The following FAR2 variants were observed in gnomAD, a reference collection of about 807,000 sequenced individuals.
FAR2 encodes fatty acyl-CoA reductase 2.
In FAR2, 19 loss-of-function variants were observed where a neutral mutation model predicts 56.0. That is an observed-to-expected ratio of 0.34 (90% confidence interval 0.24 to 0.50). FAR2 has a LOEUF of 0.50. FAR2 is among the 20% of genes least tolerant of loss of function. The pLI is 0.98. For missense variants in FAR2, 508 were observed against 642.2 expected, an observed-to-expected ratio of 0.79 and a Z score of 2.26; for synonymous variants, 219 against 218.8, an observed-to-expected ratio of 1.00 and a Z score of -0.01.
In FAR2 at chr12:29,293,480, A is replaced by G. The variant is rs1280401341; in HGVS notation, c.365+5A>G. The G allele has an allele frequency of 4.6e-6, 7 of 1,529,272 alleles. No homozygotes were observed. The highest frequency in any genetic ancestry group is 6.2e-6 in the Non-Finnish European group (7 of 1,137,458). 94.7% of individuals were successfully genotyped at this position (1,529,272 alleles called of 1,614,324 possible). ...ACGCTTTGACGACACTCTCAGGTAC[A>G]TTCCCATTTCCCTCTCATGGCTTGT... is the stretch of plus-strand genomic sequence containing the variant. On this transcript the variant is annotated splice_donor_5th_base_variant and intron_variant, in intron 3 of 11. Transcript: ENST00000536681.
chr12:29,165,817 T>A (rs1034866868), intron 1 of FAR2, among the ~76,000 whole-genome samples: 1 of 152,170 alleles, frequency 6.6e-6, no homozygotes, highest in Non-Finnish European at 1.5e-5. Context: ...TACATTTAAG[T>A]TCACAGAGTT....
intron 1 of FAR2, among the ~76,000 whole-genome samples, chr12:29,232,967 T>G (rs1253743833): frequency 6.6e-6 from 1 of 152,116 alleles, no homozygotes; most frequent in African/African-American, 2.4e-5. Flanking sequence ...CAAGCAATGA[T>G]CTGCTTCTGA....
At chr12:29,280,200 C>G (rs982901925) in intron 2 of FAR2, among the ~76,000 whole-genome samples, 4 of 152,232 alleles carry the variant, frequency 2.6e-5, no homozygotes, top group African/African-American at 9.6e-5. Flanking sequence ...ATTGGGATTA[C>G]AGGCATGAGC....
Position 29,192,030 on chromosome 12 carries a change from G to A in FAR2, c.-39+42623G>A, listed in dbSNP as rs11050109. 4.8e-3 allele frequency among the ~76,000 whole-genome samples: 727 copies of A among 152,290 alleles called. 5 individuals are homozygous for A. Among genetic ancestry groups the A allele is most frequent in the Middle Eastern group, 0.017 (5 of 292 alleles). On this transcript the variant is annotated intron_variant, in intron 1 of 11. Coordinates refer to ENST00000536681, the MANE Select transcript of FAR2 (RefSeq NM_001271783.2). ...CCTGACTATTTGTATTGGTTGATTA[G>A]GACTTTTGGCTAGGGCCTCTAAACA...
At chr12:29,179,785 G>T (rs1949975382) in intron 1 of FAR2, among the ~76,000 whole-genome samples, 1 of 152,164 alleles carries the variant, frequency 6.6e-6, no homozygotes, top group Non-Finnish European at 1.5e-5. Context: ...CAAGTAATCA[G>T]TTGTAAGCTG....
intron 1 of FAR2, among the ~76,000 whole-genome samples, chr12:29,199,619 AG>A (rs1295938337): frequency 6.8e-6 from 1 of 147,096 alleles, no homozygotes; most frequent in Non-Finnish European, 1.5e-5. Flanking sequence ...AAAAAAAGAA[AG>A]AAAAGAAACA....
At position 29,307,847 on chromosome 12, in the gene FAR2, T is replaced by C. The variant is rs377402153; in HGVS notation, c.723+12T>C. On this transcript the variant is annotated intron_variant, in intron 5 of 11. Coordinates refer to ENST00000536681, the MANE Select transcript of FAR2 (RefSeq NM_001271783.2). Reference sequence around the variant, plus strand: ...AGGAGCCTTTCCCAGTAAGCCCACTTACCTGGATTCTGTGTTTTGCTTCCA... The same window carrying C: ...AGGAGCCTTTCCCAGTAAGCCCACTCACCTGGATTCTGTGTTTTGCTTCCA... 1.9e-6 allele frequency: 3 copies of C among 1,601,934 alleles called. No individual in the cohort carries two copies. The African/African-American group carries it at 4.0e-5, about 22-fold the overall frequency.
intron 1 of FAR2, among the ~76,000 whole-genome samples, chr12:29,245,828 C>G (rs562416775): frequency 1.3e-5 from 2 of 152,216 alleles, no homozygotes; most frequent in South Asian, 2.1e-4. Context: ...GAATACACAT[C>G]GGACTTTCTC....
chr12:29,203,624 G>C (rs1947440808), intron 1 of FAR2, among the ~76,000 whole-genome samples: 1 of 152,126 alleles, frequency 6.6e-6, no homozygotes, highest in Non-Finnish European at 1.5e-5. Flanking sequence ...CTATATTTTG[G>C]TGTAGGAGTG....
chr12:29,300,859 C>T (rs1949151563), intron 4 of FAR2, among the ~76,000 whole-genome samples: 1 of 152,136 alleles, frequency 6.6e-6, no homozygotes, highest in South Asian at 2.1e-4. Context: ...AATGGGAATT[C>T]CAGTTCTGGG....
At chr12:29,309,301 G>C (rs1486388717) in intron 6 of FAR2, 71 bp downstream of exon 6, 1 of 1,110,232 alleles carries the variant, frequency 9.0e-7, no homozygotes. Flanking sequence ...CTTAGTGCTG[G>C]CTTAGCTTCA....
intron 3 of FAR2, among the ~76,000 whole-genome samples, chr12:29,294,581 C>T (rs1282931164): frequency 6.6e-6 from 1 of 152,192 alleles, no homozygotes; most frequent in African/African-American, 2.4e-5. Flanking sequence ...AACTCCTGAC[C>T]TCAGGTGATC....
intron 4 of FAR2, among the ~76,000 whole-genome samples, chr12:29,301,055 GCTGAGACTGTCAGGC>G (rs1256791431): frequency 2.6e-5 from 4 of 152,150 alleles, no homozygotes; most frequent in Non-Finnish European, 5.9e-5. Flanking sequence ...CATCCTGTAT[GCTGAGACTGTCAGGC>G]CTGAGCTCCC....
chr12:29,242,555 G>C (rs1948054819), intron 1 of FAR2, among the ~76,000 whole-genome samples: 1 of 152,184 alleles, frequency 6.6e-6, no homozygotes, highest in Non-Finnish European at 1.5e-5. Flanking sequence ...GCTCCCAACT[G>C]TTCATATATT....
intron 1 of FAR2, among the ~76,000 whole-genome samples, chr12:29,180,443 T>C (rs889915743): frequency 6.6e-6 from 1 of 152,082 alleles, no homozygotes; most frequent in South Asian, 2.1e-4. Context: ...CAAACTGCCC[T>C]CTCCCAATGA....
intron 1 of FAR2, among the ~76,000 whole-genome samples, chr12:29,184,185 A>G (rs899451714): frequency 1.3e-5 from 2 of 152,218 alleles, no homozygotes; most frequent in African/African-American, 2.4e-5. Context: ...AGGACCTTAC[A>G]TAACTCCACT....
intron 1 of FAR2, among the ~76,000 whole-genome samples, chr12:29,220,032 A>T (rs1442994140): frequency 6.6e-6 from 1 of 152,216 alleles, no homozygotes; most frequent in African/African-American, 2.4e-5. Flanking sequence ...CTAGTGGGGT[A>T]CTTAGATATT....
At chr12:29,286,436 G>A (rs1194659225) in intron 2 of FAR2, among the ~76,000 whole-genome samples, 1 of 152,202 alleles carries the variant, frequency 6.6e-6, no homozygotes, top group Admixed American at 6.5e-5. Context: ...TGAGGAAAGT[G>A]AAACTATTGC....
chr12:29,296,533 A>G (rs1407480684), intron 3 of FAR2, among the ~76,000 whole-genome samples: 2 of 152,206 alleles, frequency 1.3e-5, no homozygotes, highest in South Asian at 2.1e-4. Context: ...ATAGCTTTGC[A>G]TTCTACTAGC....
Sources: allele counts gnomAD v4.1 joint callset (sites outside exome capture counted in the v4.1 genomes callset), GRCh38; gene constraint gnomAD v4.1.1; transcripts MANE v1.5; gene names NCBI Gene and HGNC (gene_info 2026-07-23, HGNC 2026-07-21).